ZNF609: variants seen among roughly 807,000 people sequenced by gnomAD.
The protein encoded by ZNF609 is zinc finger protein 609.
In ZNF609, 11 loss-of-function variants were observed where a neutral mutation model predicts 109.5. The observed-to-expected ratio is 0.10, with a 90% CI of 0.06 to 0.17. The LOEUF (loss-of-function observed/expected upper bound fraction) is 0.17. Ranked by LOEUF, ZNF609 falls within the 10% of genes least tolerant of loss-of-function variation. ZNF609 has a pLI of 1.00. For synonymous variants in ZNF609, 646 were observed against 662.0 expected, an observed-to-expected ratio of 0.98 and a Z score of 0.37; for missense variants, 1,559 against 1,772.4, an observed-to-expected ratio of 0.88 and a Z score of 2.16.
chr15:64,638,554 G>T (rs532701571), intron 3 of ZNF609, among the ~76,000 whole-genome samples: 1 of 151,814 alleles, frequency 6.6e-6, no homozygotes, highest in African/African-American at 2.4e-5. Flanking sequence ...TTGGGGGGAG[G>T]GGGGATCAGA....
upstream of ZNF609, among the ~76,000 whole-genome samples, chr15:64,460,224 G>A (rs776772210): frequency 2.0e-5 from 3 of 152,084 alleles, no homozygotes; most frequent in Non-Finnish European, 4.4e-5. Flanking sequence ...CTACAGAAGA[G>A]GTGTCTTCTG....
intron 2 of ZNF609, among the ~76,000 whole-genome samples, chr15:64,551,697 G>A (rs1490775507): frequency 6.7e-6 from 1 of 148,988 alleles, no homozygotes; most frequent in African/African-American, 2.4e-5. Context: ...TCAGGGAAGG[G>A]ATGACCATGG....
intron 3 of ZNF609, among the ~76,000 whole-genome samples, chr15:64,623,559 C>T (rs144503767): frequency 2.6e-5 from 4 of 152,150 alleles, no homozygotes; most frequent in Admixed American, 6.5e-5. Context: ...CCACCCACAC[C>T]GCTTCATGTA....
At chr15:64,633,168 C>T (rs1896112528) in intron 3 of ZNF609, among the ~76,000 whole-genome samples, 1 of 148,038 alleles carries the variant, frequency 6.8e-6, no homozygotes, top group Non-Finnish European at 1.5e-5. Flanking sequence ...TGTTTTTTGA[C>T]ACAGGGTCTC....
At chr15:64,524,853 G>T (rs777091129) in intron 2 of ZNF609, among the ~76,000 whole-genome samples, 1 of 152,114 alleles carries the variant, frequency 6.6e-6, no homozygotes, top group Non-Finnish European at 1.5e-5. Context: ...GCTGGATTAT[G>T]TGGTAACTCT....
At chr15:64,545,704 A>T (rs898981452) in intron 2 of ZNF609, among the ~76,000 whole-genome samples, 13 of 152,072 alleles carry the variant, frequency 8.5e-5, no homozygotes, top group African/African-American at 2.9e-4. Context: ...TCAACCACTA[A>T]TCTTACTTCC....
Position 64,674,798 on chromosome 15 carries a change from T to A in ZNF609, c.1944T>A (p.Ile648=). ...KKPSSLKPEK[I]PSKSLKSARP... Reference sequence around the variant, plus strand: ...CCTCTAGTTTAAAACCTGAAAAGATTCCTTCCAAGAGCCTAAAGTCAGCCC... The same window carrying A: ...CCTCTAGTTTAAAACCTGAAAAGATACCTTCCAAGAGCCTAAAGTCAGCCC... Residue 648 remains isoleucine (I), a synonymous_variant, in exon 5 of 10, where the codon ATT becomes ATA. Coordinates refer to ENST00000326648, the MANE Select transcript of ZNF609 (RefSeq NM_015042.2). 2 of 1,614,028 alleles carry A rather than the reference T, an allele frequency of 1.2e-6. No individual in the cohort carries two copies. Among genetic ancestry groups the A allele is most frequent in the South Asian group, 2.2e-5 (2 of 91,076 alleles).
chr15:64,460,500 G>A (rs895587517), upstream of ZNF609, among the ~76,000 whole-genome samples: 1 of 152,124 alleles, frequency 6.6e-6, no homozygotes, highest in African/African-American at 2.4e-5. Context: ...TGCGCTCACC[G>A]GCTCCAGACT....
At chr15:64,583,903 C>G (rs890377656) in intron 2 of ZNF609, among the ~76,000 whole-genome samples, 7 of 152,126 alleles carry the variant, frequency 4.6e-5, no homozygotes, top group Non-Finnish European at 1.0e-4. Flanking sequence ...TGTTTGCTAA[C>G]AGTTTCTTCA....
At chr15:64,542,586 C>T (rs560763277) in intron 2 of ZNF609, among the ~76,000 whole-genome samples, 1 of 152,292 alleles carries the variant, frequency 6.6e-6, no homozygotes, top group Non-Finnish European at 1.5e-5. Context: ...TTTCATTGTT[C>T]AACCTAAACT....
chr15:64,587,168 A>G (rs917181823), intron 2 of ZNF609, among the ~76,000 whole-genome samples: 1 of 152,230 alleles, frequency 6.6e-6, no homozygotes, highest in African/African-American at 2.4e-5. Flanking sequence ...TGTTTAGAGT[A>G]TCTGAAGAAA....
Position 64,499,768 on chromosome 15 carries a change from A to G in ZNF609, c.349A>G (p.Ser117Gly). The change falls in exon 2 of 10, where the codon AGC (serine) becomes GGC (glycine). Residue 117 changes from serine (S) to glycine (G), a missense_variant. Ser to Gly is a moderately conservative substitution (Grantham distance 56). This residue lies in a region of ZNF609 where 291 missense variants were observed against 317.8 expected (regional missense o/e 0.92). Coordinates refer to ENST00000326648, the MANE Select transcript of ZNF609 (RefSeq NM_015042.2). ...GTTCACTCCAAGTGAGGGGGCAGCT[A>G]GCAAGAAAGAGGTGCAGGGGCGCTC... The part of the protein sequence containing the change: ...SLFTPSEGAA[S>G]KKEVQGRSGD... 1 of 1,614,104 alleles carries G rather than the reference A, an allele frequency of 6.2e-7. No individual in the cohort carries two copies. Among genetic ancestry groups the G allele is most frequent in the Non-Finnish European group, 8.5e-7 (1 of 1,180,028 alleles).
At chr15:64,461,146 A>G (rs1892934083) in intron 1 of ZNF609, among the ~76,000 whole-genome samples, 1 of 140,840 alleles carries the variant, frequency 7.1e-6, no homozygotes, top group African/African-American at 2.7e-5. Flanking sequence ...AGCAGGCCAG[A>G]GAGTTTCTGA....
intron 1 of ZNF609, among the ~76,000 whole-genome samples, chr15:64,492,646 T>C (rs1040524307): frequency 1.3e-5 from 2 of 152,216 alleles, no homozygotes; most frequent in Admixed American, 1.3e-4. Context: ...CCTCCCAAAG[T>C]GCTGGGATTA....
At chr15:64,592,808 G>C (rs1233158022) in intron 2 of ZNF609, among the ~76,000 whole-genome samples, 1 of 151,192 alleles carries the variant, frequency 6.6e-6, no homozygotes, top group Non-Finnish European at 1.5e-5. Context: ...AGCTGCTTGG[G>C]AGGCTGAGGC....
intron 1 of ZNF609, among the ~76,000 whole-genome samples, chr15:64,478,184 G>GTGTGTA (rs1893199423): frequency 6.7e-6 from 1 of 149,664 alleles, no homozygotes; most frequent in Non-Finnish European, 1.5e-5. Context: ...GTGTGTGTGT[G>GTGTGTA]TGTGTGTGTG....
At chr15:64,570,544 T>G (rs556236620) in intron 2 of ZNF609, among the ~76,000 whole-genome samples, 1 of 152,344 alleles carries the variant, frequency 6.6e-6, no homozygotes, top group African/African-American at 2.4e-5. Flanking sequence ...GGTTCTGGAC[T>G]TCTTTGTTTC....
chr15:64,567,481 C>CAA (rs1039002670), intron 2 of ZNF609, among the ~76,000 whole-genome samples: 94 of 136,936 alleles, frequency 6.9e-4, no homozygotes, highest in African/African-American at 2.4e-3. Context: ...GACTCTGTCT[C>CAA]AAAAAAAAAA....
intron 1 of ZNF609, among the ~76,000 whole-genome samples, chr15:64,482,428 T>G (rs1893269155): frequency 6.6e-6 from 1 of 152,088 alleles, no homozygotes. Flanking sequence ...GTAAACTTGA[T>G]GAGCTCAAAT....
Sources: gnomAD v4.1 joint callset for allele counts (sites outside exome capture counted in the v4.1 genomes callset) on GRCh38, gnomAD v4.1.1 for gene constraint, gnomAD v4.1.1 regional missense constraint, MANE v1.5 for transcripts, NCBI Gene and HGNC (gene_info 2026-07-23, HGNC 2026-07-21) for gene names.